The following DLG2 variants were observed in gnomAD, a reference collection of about 807,000 sequenced individuals.
DLG2 encodes the protein discs large MAGUK scaffold protein 2.
In DLG2, 45 loss-of-function variants were observed where a neutral mutation model predicts 132.5. The observed-to-expected ratio is 0.34, with a 90% CI of 0.27 to 0.44. The LOEUF is 0.44. DLG2 is among the 20% of genes least tolerant of loss of function. The pLI, the probability that DLG2 is intolerant of heterozygous loss-of-function variation, is 1.00. For missense variants in DLG2, 1,045 were observed against 1,196.9 expected (o/e 0.87, Z 1.87); for synonymous variants, 424 against 419.6 (o/e 1.01, Z -0.13).
At chr11:83,585,710 T>G (rs1236017166) in intron 19 of DLG2, among the ~76,000 whole-genome samples, 3 of 152,212 alleles carry the variant, frequency 2.0e-5, no homozygotes, top group Non-Finnish European at 4.4e-5. Context: ...AATGGTGACA[T>G]TCTACCTTCT....
chr11:85,576,786 T>C (rs942442807), intron 3 of DLG2, among the ~76,000 whole-genome samples: 1 of 152,106 alleles, frequency 6.6e-6, no homozygotes, highest in Non-Finnish European at 1.5e-5. Flanking sequence ...TAAATATATA[T>C]GTTGATAAGT....
Position 83,469,321 on chromosome 11 carries a change from A to G in DLG2, c.2499T>C (p.Phe833=). ...TCTCCATTTGTTCTCTGGAAATGACAAAGTGATAGTCTCTGCCATCCACCT... is the reference window on the plus strand; with the variant it reads ...TCTCCATTTGTTCTCTGGAAATGACGAAGTGATAGTCTCTGCCATCCACCT... ...DYEVDGRDYH[F]VISREQMEKD... The change falls in exon 25 of 28, where the codon TTT becomes TTC. Residue 833 remains phenylalanine, a synonymous_variant. Coordinates refer to ENST00000376104, the MANE Select transcript of DLG2 (RefSeq NM_001142699.3). The G allele has an allele frequency of 6.2e-7, 1 of 1,613,824 alleles. No homozygotes were observed. Among genetic ancestry groups the G allele is most frequent in the East Asian group, 2.2e-5 (1 of 44,872 alleles).
intron 18 of DLG2, among the ~76,000 whole-genome samples, chr11:83,732,936 G>A (rs148748588): frequency 1.7e-4 from 26 of 152,190 alleles, no homozygotes; most frequent in East Asian, 1.4e-3. Flanking sequence ...TGAACACTCA[G>A]AAGTATTTAG....
chr11:84,366,630 A>G (rs1229989908), intron 7 of DLG2, among the ~76,000 whole-genome samples: 1 of 152,118 alleles, frequency 6.6e-6, no homozygotes, highest in African/African-American at 2.4e-5. Flanking sequence ...TACCAAGCAA[A>G]TGGAAAACAA....
intron 15 of DLG2, among the ~76,000 whole-genome samples, chr11:83,880,694 G>A (rs956337970): frequency 6.6e-5 from 10 of 152,318 alleles, no homozygotes; most frequent in East Asian, 3.9e-4. Flanking sequence ...GTGCATGTGT[G>A]TAAAGGAAAG....
chr11:85,284,861 C>T (rs1595937616), intron 4 of DLG2, among the ~76,000 whole-genome samples: 1 of 151,904 alleles, frequency 6.6e-6, no homozygotes, highest in East Asian at 1.9e-4. Flanking sequence ...TGTGCCCTTC[C>T]TATGGAAATC....
chr11:83,886,853 G>A (rs996719204), intron 15 of DLG2, among the ~76,000 whole-genome samples: 5 of 150,208 alleles, frequency 3.3e-5, no homozygotes, highest in African/African-American at 1.2e-4. Context: ...TGACTACTGG[G>A]TACATAACGA....
At chr11:85,049,240 A>G (rs1178549343) in intron 6 of DLG2, among the ~76,000 whole-genome samples, 1 of 151,976 alleles carries the variant, frequency 6.6e-6, no homozygotes, top group African/African-American at 2.4e-5. Context: ...TACCAATTAT[A>G]TCGTATATCA....
chr11:84,331,457 A>AT lies in DLG2; in HGVS notation c.520-80167_520-80166insA, dbSNP rs60467789. ...TACTTATCTCAAAAAAAAAAAAAAA[A>AT]AAAATAAATAAATAAATAAAAGTAA... On this transcript the variant is annotated intron_variant, in intron 7 of 27. Transcript: ENST00000376104. Among the ~76,000 whole-genome samples, 171 of 148,886 alleles carry AT rather than the reference A, an allele frequency of 1.1e-3. 1 individual carries two copies. The highest frequency in any genetic ancestry group is 3.9e-3 in the East Asian group (20 of 5,094).
chr11:83,984,018 A>G (rs2093026588), intron 11 of DLG2, among the ~76,000 whole-genome samples: 1 of 152,086 alleles, frequency 6.6e-6, no homozygotes, highest in Non-Finnish European at 1.5e-5. Context: ...TCCAATTTAC[A>G]TCCACTATGC....
At chr11:85,165,178 C>G (rs546420071) in intron 4 of DLG2, among the ~76,000 whole-genome samples, 9 of 152,262 alleles carry the variant, frequency 5.9e-5, no homozygotes, top group African/African-American at 2.2e-4. Flanking sequence ...CTAACAAGTG[C>G]AGTCTCTAGT....
At chr11:83,585,932 G>A (rs994727254) in intron 19 of DLG2, among the ~76,000 whole-genome samples, 1 of 152,160 alleles carries the variant, frequency 6.6e-6, no homozygotes, top group Admixed American at 6.5e-5. Context: ...AAAGAGAAGA[G>A]ATAGAAGAAA....
At chr11:85,077,616 C>T (rs1272136371) in intron 6 of DLG2, among the ~76,000 whole-genome samples, 5 of 148,582 alleles carry the variant, frequency 3.4e-5, no homozygotes, top group Admixed American at 2.1e-4. Context: ...GTTAAAAATA[C>T]ATTTAACATC....
chr11:84,588,366 T>G (rs962381528), intron 6 of DLG2, among the ~76,000 whole-genome samples: 1 of 152,188 alleles, frequency 6.6e-6, no homozygotes, highest in Admixed American at 6.5e-5. Context: ...CAATGAATCA[T>G]CATTCTTTTG....
At chr11:83,837,164 T>C (rs2056408500) in intron 16 of DLG2, among the ~76,000 whole-genome samples, 1 of 152,140 alleles carries the variant, frequency 6.6e-6, no homozygotes, top group South Asian at 2.1e-4. Context: ...ACTGATTTCC[T>C]CTTTCTCCTA....
intron 7 of DLG2, chr11:84,316,757 C>T (rs2098360950): frequency 2.0e-6 from 3 of 1,481,468 alleles, no homozygotes; most frequent in Non-Finnish European, 2.7e-6. Context: ...CCAAGCCATT[C>T]TAACCTTAAA....
intron 3 of DLG2, among the ~76,000 whole-genome samples, chr11:85,437,311 T>TA (rs111269575): frequency 0.078 from 9,939 of 127,116 alleles, 499 homozygotes; most frequent in African/African-American, 0.16. Context: ...GAACTTAAAG[T>TA]AAAAAAAAAA....
intron 7 of DLG2, among the ~76,000 whole-genome samples, chr11:84,428,224 G>A (rs2098973218): frequency 6.6e-6 from 1 of 152,080 alleles, no homozygotes; most frequent in African/African-American, 2.4e-5. Context: ...TCAAAAGATT[G>A]AGTGGTGTTA....
rs187775958 is a variant in DLG2, at chr11:84,371,667, C to T, written c.520-120376G>A. Among the ~76,000 whole-genome samples, 228 of 152,182 alleles carry T rather than the reference C, an allele frequency of 1.5e-3. 1 individual carries two copies. Among genetic ancestry groups the T allele is most frequent in the African/African-American group, 5.2e-3 (217 of 41,538 alleles). On this transcript the variant is annotated intron_variant, in intron 7 of 27. Transcript: ENST00000376104. ...TAAACATGGCCTACCAAACCTCTTC[C>T]CTCCCAAAAAAGATTAAACATTATT... is the stretch of plus-strand genomic sequence containing the variant.
Sources: gnomAD v4.1 joint callset for allele counts (sites outside exome capture counted in the v4.1 genomes callset) on GRCh38, gnomAD v4.1.1 for gene constraint, MANE v1.5 for transcripts, NCBI Gene and HGNC (gene_info 2026-07-23, HGNC 2026-07-21) for gene names.